STMN4: variants seen among roughly 807,000 people sequenced by gnomAD.
STMN4 encodes stathmin-4.
Under a neutral mutation model 29.1 loss-of-function variants are expected in STMN4, and 12 were observed. The observed-to-expected ratio is 0.41, with a 90% CI of 0.26 to 0.67. The LOEUF (loss-of-function observed/expected upper bound fraction) is 0.67. Ranked by LOEUF, STMN4 falls within the 30% of genes least tolerant of loss-of-function variation. STMN4 has a pLI of 0.30. For synonymous variants in STMN4, 114 were observed against 105.3 expected (o/e 1.08, Z -0.51); for missense variants, 181 against 262.8 (o/e 0.69, Z 2.15).
chr8:27,248,325 G>A (rs975480772), intron 1 of STMN4, among the ~76,000 whole-genome samples: 1 of 152,172 alleles, frequency 6.6e-6, no homozygotes, highest in African/African-American at 2.4e-5. Flanking sequence ...ACTGTGATGA[G>A]GTTACTATGC....
Position 27,242,415 on chromosome 8 carries a change from A to T in STMN4, c.91T>A (p.Ser31Thr). 1 of 1,614,162 alleles carries T rather than the reference A, an allele frequency of 6.2e-7. No individual in the cohort carries two copies. Among genetic ancestry groups the T allele is most frequent in the Non-Finnish European group, 8.5e-7 (1 of 1,180,024 alleles). The change falls in exon 3 of 7, where the codon TCG becomes ACG. Residue 31 changes from serine to threonine, a missense_variant. Transcript: ENST00000350889. ...CACTGACCTTCATATTTGTAGGACG[A>T]CTTATTCAGGGGATCGGCCAGGAAG... Reference protein sequence around the residue: ...SCFLADPLNKSSYKYEGWCGR... With the variant: ...SCFLADPLNKTSYKYEGWCGR...
chr8:27,240,199 G>A (rs1427333785), intron 5 of STMN4, 37 bp from the exon 6 acceptor site: 1 of 1,598,844 alleles, frequency 6.3e-7, no homozygotes. Flanking sequence ...GCCCTTCACA[G>A]TGAGTGTGCC....
intron 2 of STMN4, 67 bp downstream of exon 2, chr8:27,243,644 T>G: frequency 6.6e-7 from 1 of 1,524,960 alleles, no homozygotes; most frequent in Non-Finnish European, 9.1e-7. Context: ...CCTGCTTCTG[T>G]GAGTCCATGT....
intron 1 of STMN4, among the ~76,000 whole-genome samples, chr8:27,251,339 T>TTA (rs1033381508): frequency 3.5e-5 from 4 of 115,678 alleles, no homozygotes; most frequent in Non-Finnish European, 7.4e-5. Flanking sequence ...TGTATATATA[T>TTA]TATATATATA....
intron 1 of STMN4, among the ~76,000 whole-genome samples, chr8:27,253,876 G>A (rs1011792289): frequency 2.0e-5 from 3 of 152,054 alleles, no homozygotes; most frequent in African/African-American, 4.8e-5. Context: ...TCCGCCTCCC[G>A]GGTTCAAGCG....
rs1054887489 is a variant in STMN4 at position 27,236,720 on chromosome 8, G to A, written c.*126C>T. ...TACAAACACCAAAAGCAGAGGAAAC[G>A]CCCCTTGGCCACCCCCCTCCCCCCA... On this transcript the variant is annotated 3_prime_UTR_variant, in exon 7 of 7. Coordinates refer to ENST00000350889, the MANE Select transcript of STMN4 (RefSeq NM_030795.4). The A allele has an allele frequency of 6.8e-6, 5 of 733,802 alleles. No individual in the cohort carries two copies. Among genetic ancestry groups the A allele is most frequent in the Admixed American group, 3.6e-5 (1 of 27,690 alleles). 45.5% of individuals were successfully genotyped at this position (733,802 alleles called of 1,614,324 possible).
chr8:27,241,542 G>A (rs898556156), intron 4 of STMN4, 135 bp downstream of exon 4: 3 of 1,142,672 alleles, frequency 2.6e-6, no homozygotes, highest in African/African-American at 3.1e-5. Context: ...TCCCCCACCA[G>A]CCTCCTCTGA....
At chr8:27,249,123 G>A (rs1285750525) in intron 1 of STMN4, among the ~76,000 whole-genome samples, 1 of 152,174 alleles carries the variant, frequency 6.6e-6, no homozygotes, top group African/African-American at 2.4e-5. Context: ...CAGCCGTAAG[G>A]AAACACAGAA....
In STMN4 at chr8:27,247,455, C is replaced by G. The variant is rs542468764; in HGVS notation, c.-78-3654G>C. ...ACAGAGATGAAAGGAGTCTTTGCCA[C>G]TGGGTGGCGCCAGCCATGGCAGGAA... On this transcript the variant is annotated intron_variant, in intron 1 of 6. Transcript: ENST00000350889. Among the ~76,000 whole-genome samples the G allele has an allele frequency of 1.8e-3, 279 of 152,278 alleles. 1 individual carries two copies. The highest frequency in any genetic ancestry group is 3.4e-3 in the Non-Finnish European group (228 of 68,010).
rs1157327077 is a variant in STMN4, at chr8:27,236,733, C to T, written c.*113G>A. 2.1e-6 allele frequency: 2 copies of T among 968,436 alleles called. No individual in the cohort carries two copies. The highest frequency in any genetic ancestry group is 2.9e-6 in the Non-Finnish European group (2 of 686,658). 60.0% of individuals were successfully genotyped at this position (968,436 alleles called of 1,614,324 possible). ...AGCAGAGGAAACGCCCCTTGGCCACCCCCCTCCCCCCAAACCCCAGTGCTG... is the reference window on the plus strand; with the variant it reads ...AGCAGAGGAAACGCCCCTTGGCCACTCCCCTCCCCCCAAACCCCAGTGCTG... On this transcript the variant is annotated 3_prime_UTR_variant, in exon 7 of 7. Transcript: ENST00000350889.
chr8:27,247,079 A>T (rs760523411), intron 1 of STMN4, among the ~76,000 whole-genome samples: 38 of 151,760 alleles, frequency 2.5e-4, no homozygotes, highest in Non-Finnish European at 4.3e-4. Flanking sequence ...ACATGGTGAA[A>T]CCCCATCTCT....
intron 6 of STMN4, among the ~76,000 whole-genome samples, chr8:27,238,172 C>G (rs1801363464): frequency 6.6e-6 from 1 of 152,316 alleles, no homozygotes; most frequent in Non-Finnish European, 1.5e-5. Context: ...CCTAGACAGC[C>G]AGGATTAGTG....
At chr8:27,241,605 G>A in intron 4 of STMN4, 72 bp downstream of exon 4, 2 of 1,567,402 alleles carry the variant, frequency 1.3e-6, no homozygotes, top group Admixed American at 3.4e-5. Context: ...GTGCGTTTCA[G>A]CCCCCGCCCA....
intron 6 of STMN4, among the ~76,000 whole-genome samples, chr8:27,238,738 G>A (rs1219088892): frequency 6.6e-6 from 1 of 152,242 alleles, no homozygotes; most frequent in Non-Finnish European, 1.5e-5. Flanking sequence ...CCCTGGGTAA[G>A]TCATTTGACC....
intron 1 of STMN4, among the ~76,000 whole-genome samples, chr8:27,246,496 T>C (rs2130107894): frequency 6.6e-6 from 1 of 152,220 alleles, no homozygotes; most frequent in South Asian, 2.1e-4. Flanking sequence ...GTACAGTAGG[T>C]TAAATAATGT....
At chr8:27,253,769 T>C (rs1801859131) in intron 1 of STMN4, among the ~76,000 whole-genome samples, 1 of 138,136 alleles carries the variant, frequency 7.2e-6, no homozygotes, top group Admixed American at 8.1e-5. Flanking sequence ...CTTGGAGTAA[T>C]TGTTTTTCAG....
Position 27,242,468 on chromosome 8 carries a change from A to G in STMN4, c.38T>C (p.Leu13Pro), listed in dbSNP as rs753235941. ...LAAYKEKMKE[L>P]PLVSLFCSCF... The stretch of plus-strand genomic sequence containing the variant: ...GGAGCAGAACAAGGACACCAGCGGG[A>G]GCTCCTTCATCTTCTCTTTGTAGGC... Residue 13 changes from leucine to proline, a missense_variant, in exon 3 of 7, where the codon CTC (leucine) becomes CCC (proline). Leu to Pro is a moderately conservative substitution (Grantham distance 98, BLOSUM62 -3). Coordinates refer to ENST00000350889, the MANE Select transcript of STMN4 (RefSeq NM_030795.4). 1 of 1,614,110 alleles carries G rather than the reference A, an allele frequency of 6.2e-7. No homozygotes were observed. The highest frequency in any genetic ancestry group is 8.5e-7 in the Non-Finnish European group (1 of 1,179,996).
At chr8:27,249,697 G>T (rs117147051) in intron 1 of STMN4, among the ~76,000 whole-genome samples, 1 of 152,164 alleles carries the variant, frequency 6.6e-6, no homozygotes, top group Non-Finnish European at 1.5e-5. Context: ...CCCCAGCAGG[G>T]CACTTTCATG....
intron 1 of STMN4, among the ~76,000 whole-genome samples, chr8:27,257,569 G>C (rs971627935): frequency 1.3e-5 from 2 of 152,022 alleles, no homozygotes; most frequent in African/African-American, 4.8e-5. Flanking sequence ...GTCTTCCTGG[G>C]AGAAATAAAA....
Sources: allele counts gnomAD v4.1 joint callset (sites outside exome capture counted in the v4.1 genomes callset), GRCh38; gene constraint gnomAD v4.1.1; transcripts MANE v1.5; gene names NCBI Gene and HGNC (gene_info 2026-07-23, HGNC 2026-07-21).